Variants in NEBL observed in about 807,000 individuals in gnomAD.
NEBL encodes the protein nebulette.
A neutral mutation model predicts 140.2 loss-of-function variants in NEBL; 122 were observed. The ratio of observed to expected loss-of-function variants is 0.87; its 90% CI spans 0.75 to 1.01. The LOEUF (loss-of-function observed/expected upper bound fraction) is 1.01. Among genes scored for constraint, NEBL ranks in the 50% least tolerant of loss-of-function variants. The pLI, the probability that NEBL is intolerant of heterozygous loss-of-function variation, is 0.00. For missense variants in NEBL, 1,365 were observed against 1,231.3 expected (o/e 1.11, Z -1.62); for synonymous variants, 436 against 398.9 (o/e 1.09, Z -1.11).
chr10:21,125,783 A>G (rs1001798657), intron 2 of NEBL: 2 of 1,442,674 alleles, frequency 1.4e-6, no homozygotes, highest in Admixed American at 1.9e-5. Context: ...TTAAAATTTT[A>G]TTGTATATGG....
rs35919028 is a variant in NEBL, at chr10:21,234,008, G to GAGATAGATAGAT, written n.348+13901_348+13912dup. On this transcript the variant is annotated intron_variant and non_coding_transcript_variant, in intron 3 of 8. Coordinates refer to the NEBL transcript ENST00000675702. ...TAAGTAGTATAATTTAGGAGATTGT[G>GAGATAGATAGAT]AGATAGATAGATAGATAGATAGATA... Among the ~76,000 whole-genome samples, 1,325 of 139,544 alleles carry GAGATAGATAGAT rather than the reference G, an allele frequency of 9.5e-3. 9 individuals carry two copies. The highest frequency in any genetic ancestry group is 0.016 in the East Asian group (74 of 4,706). 91.5% of individuals were successfully genotyped at this position (139,544 alleles called of 152,430 possible).
chr10:21,113,687 T>C (rs1838153005), intron 2 of NEBL, among the ~76,000 whole-genome samples: 2 of 152,088 alleles, frequency 1.3e-5, no homozygotes, highest in African/African-American at 4.8e-5. Flanking sequence ...AAAATGGAAC[T>C]CCTCCCTTTC....
chr10:20,815,139 A>T (rs547121839), intron 22 of NEBL, among the ~76,000 whole-genome samples: 1 of 152,348 alleles, frequency 6.6e-6, no homozygotes, highest in East Asian at 1.9e-4. Context: ...TAAGATACTC[A>T]TGTACACCAC....
chr10:21,256,951 A>G (rs1307834366), intron 1 of NEBL, among the ~76,000 whole-genome samples: 1 of 152,236 alleles, frequency 6.6e-6, no homozygotes, highest in Non-Finnish European at 1.5e-5. Flanking sequence ...CAGAAATACC[A>G]TATAATGGTG....
intron 2 of NEBL, among the ~76,000 whole-genome samples, chr10:21,032,389 TG>T (rs1833836694): frequency 6.6e-6 from 1 of 152,200 alleles, no homozygotes; most frequent in South Asian, 2.1e-4. Context: ...GATATTCTTC[TG>T]GGATTTTGGG....
chr10:20,865,819 G>A (rs1844217825), intron 7 of NEBL, among the ~76,000 whole-genome samples: 1 of 152,134 alleles, frequency 6.6e-6, no homozygotes, highest in Non-Finnish European at 1.5e-5. Context: ...AGGCACAATT[G>A]CATTTGGGCA....
intron 3 of NEBL, among the ~76,000 whole-genome samples, chr10:21,183,479 A>G (rs1343091364): frequency 1.3e-5 from 2 of 152,192 alleles, no homozygotes; most frequent in Non-Finnish European, 2.9e-5. Flanking sequence ...GGCCCCATGA[A>G]TTCAGGGAGG....
At chr10:21,059,203 C>T (rs1213048097) in intron 2 of NEBL, among the ~76,000 whole-genome samples, 5 of 152,222 alleles carry the variant, frequency 3.3e-5, no homozygotes. Context: ...TGTCATTGCT[C>T]TTATCATGTT....
intron 4 of NEBL, among the ~76,000 whole-genome samples, chr10:20,928,573 C>T (rs573816067): frequency 6.6e-6 from 1 of 152,204 alleles, no homozygotes; most frequent in Non-Finnish European, 1.5e-5. Flanking sequence ...AGAAGCAATC[C>T]GTTGTGGGTG....
intron 2 of NEBL, among the ~76,000 whole-genome samples, chr10:21,145,413 T>G (rs893387104): frequency 6.6e-6 from 1 of 152,230 alleles, no homozygotes; most frequent in Admixed American, 6.5e-5. Flanking sequence ...TTATAGGATA[T>G]CAAAATGCCA....
chr10:21,205,363 T>C (rs1363239914), intron 3 of NEBL, among the ~76,000 whole-genome samples: 13 of 152,204 alleles, frequency 8.5e-5, no homozygotes, highest in Admixed American at 8.5e-4. Context: ...GATGAACACA[T>C]AATGATATTT....
At chr10:21,126,756 G>A (rs761597705) in intron 2 of NEBL, among the ~76,000 whole-genome samples, 62 of 152,000 alleles carry the variant, frequency 4.1e-4, no homozygotes, top group Admixed American at 1.3e-3. Flanking sequence ...GGTGGATCAT[G>A]AGGGTCAGGA....
chr10:21,076,952 G>A (rs1423724301), intron 2 of NEBL, among the ~76,000 whole-genome samples: 2 of 152,044 alleles, frequency 1.3e-5, no homozygotes, highest in Non-Finnish European at 2.9e-5. Context: ...TTTCAGTTGG[G>A]GAAGACGAAA....
At chr10:21,150,606 T>G (rs1406635091) in intron 2 of NEBL, among the ~76,000 whole-genome samples, 2 of 152,204 alleles carry the variant, frequency 1.3e-5, no homozygotes, top group Non-Finnish European at 2.9e-5. Flanking sequence ...ATGTGAAAAC[T>G]TCAGAATTAT....
chr10:21,168,356 GT>G (rs765193911), intron 2 of NEBL, among the ~76,000 whole-genome samples: 1 of 152,154 alleles, frequency 6.6e-6, no homozygotes, highest in Non-Finnish European at 1.5e-5. Context: ...AATTATGGAT[GT>G]TTTTTCATAA....
intron 2 of NEBL, among the ~76,000 whole-genome samples, chr10:21,094,376 C>T (rs1026294769): frequency 6.6e-6 from 1 of 152,048 alleles, no homozygotes; most frequent in Non-Finnish European, 1.5e-5. Flanking sequence ...GTGGCAGGCG[C>T]CTGTAGTCCC....
intron 3 of NEBL, among the ~76,000 whole-genome samples, chr10:20,994,214 AT>A (rs1411435584): frequency 6.6e-6 from 1 of 152,196 alleles, no homozygotes; most frequent in Admixed American, 6.5e-5. Context: ...TCACTGAGTC[AT>A]TTATTTTATG....
At chr10:20,913,895 G>C (rs1848430381) in intron 4 of NEBL, among the ~76,000 whole-genome samples, 2 of 152,182 alleles carry the variant, frequency 1.3e-5, no homozygotes, top group South Asian at 4.2e-4. Context: ...TTCTTTTTCA[G>C]GCTGTTAGCC....
At chr10:21,139,343 C>G (rs928307760) in intron 2 of NEBL, among the ~76,000 whole-genome samples, 1 of 151,956 alleles carries the variant, frequency 6.6e-6, no homozygotes, top group Non-Finnish European at 1.5e-5. Flanking sequence ...TGATATAATC[C>G]TGCCAAGAGC....
Sources: gnomAD v4.1 joint callset for allele counts (sites outside exome capture counted in the v4.1 genomes callset) on GRCh38, gnomAD v4.1.1 for gene constraint, MANE v1.5 for transcripts, NCBI Gene and HGNC (gene_info 2026-07-23, HGNC 2026-07-21) for gene names.